Variants in ADGRL2 observed in about 807,000 individuals in gnomAD.
ADGRL2 encodes calcium-independent alpha-latrotoxin receptor 2.
In ADGRL2, 44 loss-of-function variants were observed where a neutral mutation model predicts 157.4. The observed-to-expected ratio is 0.28, with a 90% confidence interval of 0.22 to 0.36. The LOEUF is 0.36. Among genes scored for constraint, ADGRL2 ranks in the 10% least tolerant of loss-of-function variants. ADGRL2 has a pLI of 1.00. For missense variants in ADGRL2, 1,510 were observed against 1,768.9 expected (o/e 0.85, Z 2.63); for synonymous variants, 585 against 624.7 (o/e 0.94, Z 0.95).
rs906079346 is a variant in ADGRL2, at chr1:81,989,603, T to C, written c.3656-788T>C. The C allele has an allele frequency of 7.4e-5, 113 of 1,528,886 alleles. 1 individual carries two copies. The highest frequency in any genetic ancestry group is 9.5e-5 in the Non-Finnish European group (105 of 1,108,688). 94.7% of individuals were successfully genotyped at this position (1,528,886 alleles called of 1,614,324 possible). ...GCTCTGACTAAGTTGCTGAGAAGCT[T>C]AGAAATTCTTCATCATGTTACAATA... On this transcript the variant is annotated intron_variant, in intron 23 of 23. Transcript: ENST00000686636.
At chr1:81,847,582 A>T (rs1388937975) in intron 2 of ADGRL2, among the ~76,000 whole-genome samples, 1 of 151,898 alleles carries the variant, frequency 6.6e-6, no homozygotes, top group East Asian at 1.9e-4. Flanking sequence ...TTTACTGAAC[A>T]TTTTTATATT....
At chr1:81,853,971 T>A (rs1252019120) in intron 2 of ADGRL2, among the ~76,000 whole-genome samples, 5 of 152,190 alleles carry the variant, frequency 3.3e-5, no homozygotes, top group Admixed American at 6.6e-5. Flanking sequence ...AGAATTATCC[T>A]TTAATTCTGT....
intron 2 of ADGRL2, among the ~76,000 whole-genome samples, chr1:81,872,317 T>C (rs1041794914): frequency 2.0e-5 from 3 of 152,226 alleles, no homozygotes; most frequent in Admixed American, 6.5e-5. Flanking sequence ...AGTACCATGC[T>C]GTTTTGGTAA....
chr1:81,927,768 A>G (rs1400975365), intron 3 of ADGRL2, among the ~76,000 whole-genome samples: 2 of 151,936 alleles, frequency 1.3e-5, no homozygotes, highest in Non-Finnish European at 2.9e-5. Flanking sequence ...TTTTTGCCAC[A>G]TGAATTACAC....
At chr1:81,983,400 C>G (rs1263222795) in intron 19 of ADGRL2, among the ~76,000 whole-genome samples, 1 of 151,888 alleles carries the variant, frequency 6.6e-6, no homozygotes, top group African/African-American at 2.4e-5. Context: ...GACTCAACCA[C>G]ATTGTTATTT....
intron 3 of ADGRL2, among the ~76,000 whole-genome samples, chr1:81,649,405 G>T (rs946620207): frequency 1.3e-5 from 2 of 152,172 alleles, no homozygotes; most frequent in Non-Finnish European, 2.9e-5. Context: ...TAAAAGGTCT[G>T]TTATCTTATC....
intron 1 of ADGRL2, among the ~76,000 whole-genome samples, chr1:81,756,298 C>A (rs944140124): frequency 1.3e-5 from 2 of 149,674 alleles, no homozygotes; most frequent in African/African-American, 5.0e-5. Context: ...TAGGACAACA[C>A]CAATTCTATT....
intron 1 of ADGRL2, among the ~76,000 whole-genome samples, chr1:81,801,772 C>T (rs1017189297): frequency 6.6e-5 from 10 of 152,118 alleles, no homozygotes; most frequent in Admixed American, 3.9e-4. Flanking sequence ...GAGTTGGCCT[C>T]GCGCCCCCGG....
intron 2 of ADGRL2, among the ~76,000 whole-genome samples, chr1:81,552,200 A>T (rs999319013): frequency 1.3e-5 from 2 of 152,080 alleles, no homozygotes; most frequent in East Asian, 3.8e-4. Flanking sequence ...AGAAGAGTCT[A>T]TTGAGAGTCT....
intron 3 of ADGRL2, among the ~76,000 whole-genome samples, chr1:81,638,713 G>A (rs992193036): frequency 2.0e-5 from 3 of 152,112 alleles, no homozygotes; most frequent in Admixed American, 1.3e-4. Flanking sequence ...AGAGAAAATG[G>A]AATCATAAAA....
chr1:81,879,973 G>T (rs757336545), intron 2 of ADGRL2, among the ~76,000 whole-genome samples: 83 of 152,186 alleles, frequency 5.5e-4, no homozygotes, highest in Non-Finnish European at 2.2e-4. Context: ...GTTGCAGTGA[G>T]CCAAGATCTT....
At chr1:81,653,580 G>A (rs2082467527) in intron 3 of ADGRL2, among the ~76,000 whole-genome samples, 1 of 152,066 alleles carries the variant, frequency 6.6e-6, no homozygotes, top group African/African-American at 2.4e-5. Context: ...CCACAATGGG[G>A]TACATACCTA....
chr1:81,404,421 A>T (rs903499231), intron 1 of ADGRL2, among the ~76,000 whole-genome samples: 1 of 152,244 alleles, frequency 6.6e-6, no homozygotes, highest in Non-Finnish European at 1.5e-5. Flanking sequence ...TAATCAATTT[A>T]TCTTCATAAT....
chr1:81,770,742 G>C (rs2086334207), intron 2 of ADGRL2, among the ~76,000 whole-genome samples: 1 of 152,164 alleles, frequency 6.6e-6, no homozygotes, highest in Admixed American at 6.5e-5. Flanking sequence ...CAAAAGTGCT[G>C]GGATTACAGG....
chr1:81,326,684 G>T (rs192290982), intron 1 of ADGRL2, among the ~76,000 whole-genome samples: 81 of 152,274 alleles, frequency 5.3e-4, no homozygotes, highest in Admixed American at 4.4e-3. Flanking sequence ...TGAACAACAA[G>T]AAGTGACTCA....
At chr1:81,491,925 G>A (rs1386305094) in intron 2 of ADGRL2, among the ~76,000 whole-genome samples, 1 of 152,270 alleles carries the variant, frequency 6.6e-6, no homozygotes, top group Non-Finnish European at 1.5e-5. Flanking sequence ...GTCACCATAT[G>A]ACATGAGATG....
intron 1 of ADGRL2, among the ~76,000 whole-genome samples, chr1:81,407,637 A>C (rs1186724208): frequency 6.6e-6 from 1 of 152,244 alleles, no homozygotes; most frequent in Non-Finnish European, 1.5e-5. Context: ...GGAGAGATGC[A>C]TTCTCATGAT....
At chr1:81,697,885 T>A (rs1323832894), upstream of ADGRL2, among the ~76,000 whole-genome samples, 1 of 152,108 alleles carries the variant, frequency 6.6e-6, no homozygotes, top group Non-Finnish European at 1.5e-5. Flanking sequence ...TTATTAGAAA[T>A]AGAGTGCAGA....
chr1:81,672,588 T>C (rs1016501436), intron 3 of ADGRL2, among the ~76,000 whole-genome samples: 1 of 152,232 alleles, frequency 6.6e-6, no homozygotes, highest in Non-Finnish European at 1.5e-5. Context: ...AAAGCTGTCA[T>C]AAAGGTTATC....
Sources: gnomAD v4.1 joint callset for allele counts (sites outside exome capture counted in the v4.1 genomes callset) on GRCh38, gnomAD v4.1.1 for gene constraint, MANE v1.5 for transcripts, NCBI Gene and HGNC (gene_info 2026-07-23, HGNC 2026-07-21) for gene names.